The following CLXN variants were observed in gnomAD, a reference collection of about 807,000 sequenced individuals.
CLXN encodes calaxin.
chr8:48,717,715 A>C, the CLXN span, among the ~76,000 whole-genome samples: 1 of 152,222 alleles, frequency 6.6e-6, no homozygotes, highest in Non-Finnish European at 1.5e-5. Context: ...AGAGACACAC[A>C]ATGTACAAAG....
the CLXN span, among the ~76,000 whole-genome samples, chr8:48,732,514 A>G: frequency 6.6e-6 from 1 of 152,188 alleles, no homozygotes; most frequent in Admixed American, 6.5e-5. Flanking sequence ...GTAGGAAACA[A>G]TATAATGGTT....
the CLXN span, among the ~76,000 whole-genome samples, chr8:48,733,951 T>C: frequency 2.6e-5 from 4 of 152,232 alleles, no homozygotes; most frequent in East Asian, 7.7e-4. Context: ...GAAATGAAAG[T>C]GTTTTAAGAA....
the CLXN span, among the ~76,000 whole-genome samples, chr8:48,731,823 C>T: frequency 3.9e-4 from 60 of 152,170 alleles, no homozygotes; most frequent in East Asian, 0.011. Flanking sequence ...AATGGTAAGA[C>T]TAAAGAATGG....
chr8:48,717,971 A>G, the CLXN span, among the ~76,000 whole-genome samples: 4 of 152,234 alleles, frequency 2.6e-5, no homozygotes, highest in Non-Finnish European at 5.9e-5. Context: ...AATGGCAATA[A>G]TAGGTACATA....
At chr8:48,713,749 G>T in the CLXN span, 2 of 152,166 alleles carry the variant, frequency 1.3e-5, no homozygotes, top group Non-Finnish European at 2.9e-5. Flanking sequence ...TGTTTTGGAT[G>T]ATTTTATGGT....
At chr8:48,716,901 T>C in the CLXN span, among the ~76,000 whole-genome samples, 1 of 152,208 alleles carries the variant, frequency 6.6e-6, no homozygotes, top group Non-Finnish European at 1.5e-5. Context: ...ACTTAACTAA[T>C]TAATGGCTGA....
At chr8:48,719,720 A>T in the CLXN span, among the ~76,000 whole-genome samples, 1 of 152,242 alleles carries the variant, frequency 6.6e-6, no homozygotes, top group East Asian at 1.9e-4. Flanking sequence ...TTCACCAACC[A>T]TTCATGATGA....
the CLXN span, among the ~76,000 whole-genome samples, chr8:48,733,468 T>C: frequency 6.6e-6 from 1 of 152,236 alleles, no homozygotes; most frequent in Non-Finnish European, 1.5e-5. Flanking sequence ...ATGAACTAGA[T>C]GTTCTCTTAA....
the CLXN span, among the ~76,000 whole-genome samples, chr8:48,718,354 T>A: frequency 2.0e-4 from 30 of 152,070 alleles, no homozygotes; most frequent in Non-Finnish European, 4.0e-4. Context: ...GGAATAAATT[T>A]ATAGCAATAC....
the CLXN span, among the ~76,000 whole-genome samples, chr8:48,734,161 C>T: frequency 6.6e-6 from 1 of 152,180 alleles, no homozygotes; most frequent in Non-Finnish European, 1.5e-5. Context: ...ATCTTACAAT[C>T]TCTAAAACTA....
At chr8:48,712,653 C>A in the CLXN span, among the ~76,000 whole-genome samples, 1 of 152,158 alleles carries the variant, frequency 6.6e-6, no homozygotes, top group African/African-American at 2.4e-5. Context: ...GTGCGCCCAG[C>A]CTCATTAAGG....
chr8:48,713,052 T>G, the CLXN span, among the ~76,000 whole-genome samples: 1 of 150,690 alleles, frequency 6.6e-6, no homozygotes, highest in African/African-American at 2.4e-5. Flanking sequence ...TTGAGATATA[T>G]CTGTGAGAAG....
the CLXN span, chr8:48,724,053 T>C: frequency 6.6e-6 from 1 of 152,162 alleles, no homozygotes; most frequent in African/African-American, 2.4e-5. Context: ...CTTTTTGATT[T>C]TCAGTCCAAT....
At chr8:48,735,246 A>T in the CLXN span, 1 of 1,415,428 alleles carries the variant, frequency 7.1e-7, no homozygotes, top group African/African-American at 1.4e-5. Context: ...GTGCTGGGTC[A>T]ACGCGGTGAG....
chr8:48,727,081 TATCCATTC>T, the CLXN span, among the ~76,000 whole-genome samples: 1 of 137,234 alleles, frequency 7.3e-6, no homozygotes, highest in South Asian at 2.4e-4. Context: ...TCACCTCAAC[TATCCATTC>T]ATCCATTCAC....
At chr8:48,735,048 C>A in the CLXN span, 1 of 1,607,528 alleles carries the variant, frequency 6.2e-7, no homozygotes, top group African/African-American at 1.3e-5. Context: ...GGGACCCAGG[C>A]TCGGTCCAGG....
the CLXN span, among the ~76,000 whole-genome samples, chr8:48,714,485 T>G: frequency 6.6e-6 from 1 of 152,196 alleles, no homozygotes; most frequent in African/African-American, 2.4e-5. Context: ...TTAGGATTTT[T>G]TTGTTGTTGA....
chr8:48,714,688 A>C, the CLXN span, among the ~76,000 whole-genome samples: 1 of 152,222 alleles, frequency 6.6e-6, no homozygotes, highest in South Asian at 2.1e-4. Context: ...TTGCAGGGAA[A>C]GGGAGTCTCG....
At chr8:48,714,967 C>G in the CLXN span, 1 of 152,172 alleles carries the variant, frequency 6.6e-6, no homozygotes, top group South Asian at 2.1e-4. Flanking sequence ...GATGGAATAC[C>G]AGGCAGCCAT....
Sources: allele counts gnomAD v4.1 joint callset (sites outside exome capture counted in the v4.1 genomes callset), GRCh38; gene constraint gnomAD v4.1.1; transcripts MANE v1.5; gene names NCBI Gene and HGNC (gene_info 2026-07-23, HGNC 2026-07-21).